The following ROBO2 variants were observed in gnomAD, a reference collection of about 807,000 sequenced individuals.
The protein encoded by ROBO2 is roundabout guidance receptor 2, also known as roundabout homolog 2.
ROBO2 carries 53 observed loss-of-function variants against 160.8 expected under a neutral mutation model. The observed-to-expected ratio is 0.33, with a 90% confidence interval of 0.26 to 0.41. The LOEUF (loss-of-function observed/expected upper bound fraction) is 0.41. Ranked by LOEUF, ROBO2 falls within the 10% of genes least tolerant of loss-of-function variation. ROBO2 has a pLI of 1.00. For missense variants in ROBO2, 1,577 were observed against 1,722.4 expected (o/e 0.92, Z 1.49); for synonymous variants, 664 against 611.7 (o/e 1.09, Z -1.26).
chr3:76,032,045 G>C (rs1219318502), intron 2 of ROBO2, among the ~76,000 whole-genome samples: 1 of 152,098 alleles, frequency 6.6e-6, no homozygotes, highest in Non-Finnish European at 1.5e-5. Flanking sequence ...CCTGTTATTG[G>C]TCTATTCAGA....
intron 2 of ROBO2, among the ~76,000 whole-genome samples, chr3:76,313,768 A>G (rs1052486541): frequency 3.9e-5 from 6 of 152,056 alleles, no homozygotes; most frequent in African/African-American, 1.2e-4. Flanking sequence ...TTGCACTCAC[A>G]CTGCCTATGT....
rs148290810 is a variant in ROBO2, at chr3:77,556,065, G to A, written c.1232-1879G>A. 5.4e-3 allele frequency among the ~76,000 whole-genome samples: 628 copies of A among 116,234 alleles called. 6 individuals carry two copies. The highest frequency in any genetic ancestry group is 0.018 in the African/African-American group (596 of 32,770). 76.3% of individuals were successfully genotyped at this position (116,234 alleles called of 152,430 possible). On this transcript the variant is annotated intron_variant, in intron 8 of 25. Coordinates refer to ENST00000461745, the Ensembl canonical transcript of ROBO2. ...AAGAAGTTACCTGAATTCTGCATAG[G>A]TATTTAATTTGGAAAAAAAATCGTT...
chr3:76,387,146 G>T (rs748748315), intron 2 of ROBO2, among the ~76,000 whole-genome samples: 78 of 152,134 alleles, frequency 5.1e-4, no homozygotes, highest in Non-Finnish European at 1.0e-3. Flanking sequence ...GGTCGAGGGG[G>T]AGAAAGGTTT....
At chr3:76,272,958 A>AT (rs1559706607) in intron 2 of ROBO2, among the ~76,000 whole-genome samples, 82 of 23,604 alleles carry the variant, frequency 3.5e-3, no homozygotes, top group African/African-American at 5.8e-3. Context: ...TATATAATAT[A>AT]TATTTATATA....
At chr3:76,103,058 C>G (rs2069767635) in intron 2 of ROBO2, among the ~76,000 whole-genome samples, 2 of 151,938 alleles carry the variant, frequency 1.3e-5, no homozygotes, top group African/African-American at 2.4e-5. Context: ...CTCCTGACCT[C>G]GTGATCCGCC....
At chr3:76,498,164 C>G (rs1222274450) in intron 2 of ROBO2, among the ~76,000 whole-genome samples, 1 of 152,070 alleles carries the variant, frequency 6.6e-6, no homozygotes, top group African/African-American at 2.4e-5. Context: ...TATATGTACT[C>G]CAAACATTAT....
At chr3:77,040,021 G>C in exon 1 of ROBO2, 2 of 816,948 alleles carry the variant, frequency 2.4e-6, no homozygotes, top group Non-Finnish European at 3.0e-6. Context: ...GCACCGCGGG[G>C]GTGTCTGCAG....
At chr3:77,194,080 C>T (rs1377151143) in intron 2 of ROBO2, among the ~76,000 whole-genome samples, 1 of 152,112 alleles carries the variant, frequency 6.6e-6, no homozygotes, top group African/African-American at 2.4e-5. Flanking sequence ...TGACAGACAC[C>T]AATGGGCATG....
At chr3:77,112,961 T>G (rs1258367866) in intron 2 of ROBO2, among the ~76,000 whole-genome samples, 1 of 152,242 alleles carries the variant, frequency 6.6e-6, no homozygotes, top group East Asian at 1.9e-4. Flanking sequence ...AAGACAGTTC[T>G]GATGCCCTTT....
At chr3:76,445,343 A>G (rs747284344) in intron 2 of ROBO2, among the ~76,000 whole-genome samples, 3 of 152,214 alleles carry the variant, frequency 2.0e-5, no homozygotes, top group South Asian at 2.1e-4. Flanking sequence ...ATTGAGAGGG[A>G]AAGTAAACAC....
At chr3:77,526,990 C>T (rs2153631473) in intron 6 of ROBO2, among the ~76,000 whole-genome samples, 2 of 151,510 alleles carry the variant, frequency 1.3e-5, no homozygotes, top group Middle Eastern at 6.8e-3. Context: ...GCTTAAAATC[C>T]AATTGCTATT....
rs74533440 is a variant in ROBO2, at chr3:77,332,912, A to G, written c.389-144502A>G. Among the ~76,000 whole-genome samples, 245 of 152,316 alleles carry G rather than the reference A, an allele frequency of 1.6e-3. 1 individual carries two copies. Among genetic ancestry groups the G allele is most frequent in the African/African-American group, 5.8e-3 (241 of 41,572 alleles). The stretch of plus-strand genomic sequence containing the variant: ...ACAGAGAGCGCTAGAGCGACTTATT[A>G]CAAATTTACCCAGGTAATAGAAAAC... On this transcript the variant is annotated intron_variant, in intron 2 of 25. Transcript: ENST00000461745.
At chr3:76,849,886 A>C (rs1003324136) in intron 2 of ROBO2, among the ~76,000 whole-genome samples, 3 of 152,216 alleles carry the variant, frequency 2.0e-5, no homozygotes, top group African/African-American at 7.2e-5. Flanking sequence ...GGATACAAGA[A>C]TATATAAAGT....
chr3:76,154,294 T>C (rs995281311), intron 2 of ROBO2, among the ~76,000 whole-genome samples: 1 of 152,178 alleles, frequency 6.6e-6, no homozygotes, highest in Non-Finnish European at 1.5e-5. Context: ...CATGAATATA[T>C]GATTTTGAGT....
chr3:77,085,248 G>A (rs1020493613), intron 1 of ROBO2, among the ~76,000 whole-genome samples: 4 of 152,048 alleles, frequency 2.6e-5, no homozygotes, highest in African/African-American at 9.7e-5. Flanking sequence ...TATTAAAGAC[G>A]TAAATTTATA....
Position 76,451,049 on chromosome 3 carries a change from G to A in ROBO2, c.109+513447G>A, listed in dbSNP as rs150458887. ...AGGCTGTTCTCCACATTGCCATTCG[G>A]GGTTCCAGGCCTCTTTGGTAGGTTG... On this transcript the variant is annotated intron_variant, in intron 2 of 26. Transcript: ENST00000487694. Among the ~76,000 whole-genome samples, 1,440 of 152,078 alleles carry A rather than the reference G, an allele frequency of 9.5e-3. 23 individuals carry two copies. The highest frequency in any genetic ancestry group is 0.033 in the African/African-American group (1,385 of 41,494).
chr3:77,296,369 A>T (rs2062119369), intron 2 of ROBO2, among the ~76,000 whole-genome samples: 1 of 152,156 alleles, frequency 6.6e-6, no homozygotes. Flanking sequence ...TTGACGGTTA[A>T]ACGGGTACAC....
chr3:76,733,052 T>C (rs2093660311), intron 2 of ROBO2, among the ~76,000 whole-genome samples: 7 of 151,992 alleles, frequency 4.6e-5, no homozygotes, highest in Admixed American at 4.6e-4. Context: ...ATCTTCTGAA[T>C]TATAATTTAT....
chr3:76,079,650 A>G (rs2068755128), intron 2 of ROBO2, among the ~76,000 whole-genome samples: 1 of 151,806 alleles, frequency 6.6e-6, no homozygotes, highest in African/African-American at 2.4e-5. Context: ...CACCCGGCTA[A>G]TTTCTTTTGT....
Sources: gnomAD v4.1 joint callset for allele counts (sites outside exome capture counted in the v4.1 genomes callset) on GRCh38, gnomAD v4.1.1 for gene constraint, MANE v1.5 for transcripts, NCBI Gene and HGNC (gene_info 2026-07-23, HGNC 2026-07-21) for gene names.